The following RBFOX1 variants were observed in gnomAD, a reference collection of about 807,000 sequenced individuals.
RBFOX1 encodes the protein RNA binding protein fox-1 homolog 1.
A neutral mutation model predicts 57.7 loss-of-function variants in RBFOX1; 8 were observed. The ratio of observed to expected loss-of-function variants is 0.14; its 90% CI spans 0.08 to 0.25. RBFOX1 has a LOEUF of 0.25. Among genes scored for constraint, RBFOX1 ranks in the 10% least tolerant of loss-of-function variants. The pLI is 1.00. For missense variants in RBFOX1, 611 were observed against 548.5 expected (o/e 1.11, Z -1.14); for synonymous variants, 326 against 222.4 (o/e 1.47, Z -4.15).
At chr16:7,563,533 T>G (rs2090939752) in intron 5 of RBFOX1, among the ~76,000 whole-genome samples, 1 of 152,226 alleles carries the variant, frequency 6.6e-6, no homozygotes, top group Non-Finnish European at 1.5e-5. Context: ...AATGGCACGA[T>G]CTCTGCTCAC....
At chr16:7,705,297 G>C (rs919487196) in intron 14 of RBFOX1, among the ~76,000 whole-genome samples, 1 of 152,106 alleles carries the variant, frequency 6.6e-6, no homozygotes, top group African/African-American at 2.4e-5. Flanking sequence ...ACGAGGTCAG[G>C]AGATCAAAAC....
At chr16:6,694,902 G>C (rs1425928879) in intron 3 of RBFOX1, among the ~76,000 whole-genome samples, 2 of 151,832 alleles carry the variant, frequency 1.3e-5, no homozygotes, top group African/African-American at 2.4e-5. Context: ...CAGCATGCGT[G>C]GTAAACAGGA....
At chr16:6,400,568 A>G (rs2093027942) in intron 2 of RBFOX1, among the ~76,000 whole-genome samples, 1 of 152,194 alleles carries the variant, frequency 6.6e-6, no homozygotes, top group Non-Finnish European at 1.5e-5. Flanking sequence ...ATATAGTAAA[A>G]GGATGGGAAT....
At chr16:6,153,037 T>C (rs1039336427) in intron 1 of RBFOX1, among the ~76,000 whole-genome samples, 5 of 148,968 alleles carry the variant, frequency 3.4e-5, no homozygotes, top group South Asian at 2.1e-4. Flanking sequence ...TTTTCTGTTT[T>C]TTTTTTTTTT....
chr16:6,910,731 G>A (rs1439304255), intron 3 of RBFOX1, among the ~76,000 whole-genome samples: 1 of 152,204 alleles, frequency 6.6e-6, no homozygotes, highest in Admixed American at 6.5e-5. Context: ...ATTTCCTAAA[G>A]TAGCGGAGAG....
intron 4 of RBFOX1, among the ~76,000 whole-genome samples, chr16:5,885,629 C>G (rs1277946779): frequency 6.6e-6 from 1 of 152,134 alleles, no homozygotes; most frequent in Non-Finnish European, 1.5e-5. Context: ...GTTGTCTATT[C>G]TATGTTCTCT....
chr16:5,317,904 C>T (rs1014224631), intron 1 of RBFOX1, among the ~76,000 whole-genome samples: 3 of 152,208 alleles, frequency 2.0e-5, no homozygotes, highest in African/African-American at 7.2e-5. Context: ...TAAACAGAAA[C>T]TCTATATCCT....
At chr16:5,712,504 G>T (rs997694327) in intron 3 of RBFOX1, among the ~76,000 whole-genome samples, 1 of 152,214 alleles carries the variant, frequency 6.6e-6, no homozygotes, top group African/African-American at 2.4e-5. Context: ...AGAGCAGAGG[G>T]AAGAGTATGT....
intron 2 of RBFOX1, among the ~76,000 whole-genome samples, chr16:6,633,677 T>C (rs72762959): frequency 6.6e-6 from 1 of 151,926 alleles, no homozygotes; most frequent in South Asian, 2.1e-4. Flanking sequence ...AGCCAGTTAC[T>C]GATGGCTGTA....
intron 2 of RBFOX1, among the ~76,000 whole-genome samples, chr16:6,539,799 A>C (rs947320000): frequency 6.9e-6 from 1 of 144,842 alleles, no homozygotes; most frequent in African/African-American, 2.8e-5. Flanking sequence ...CTGCATCTCA[A>C]AACACAGACA....
At chr16:6,948,118 A>C (rs939661061) in intron 3 of RBFOX1, among the ~76,000 whole-genome samples, 17 of 152,042 alleles carry the variant, frequency 1.1e-4, no homozygotes, top group African/African-American at 3.9e-4. Flanking sequence ...GAGAAGGAGT[A>C]GAAAACAATA....
At chr16:6,384,913 A>G (rs1254189650) in intron 2 of RBFOX1, among the ~76,000 whole-genome samples, 1 of 152,204 alleles carries the variant, frequency 6.6e-6, no homozygotes, top group African/African-American at 2.4e-5. Flanking sequence ...GGTACCAGGC[A>G]GCCTCTCTTA....
At chr16:6,645,702 A>C (rs2154077985) in intron 2 of RBFOX1, among the ~76,000 whole-genome samples, 1 of 152,308 alleles carries the variant, frequency 6.6e-6, no homozygotes, top group South Asian at 2.1e-4. Context: ...TCAATGCTTC[A>C]ATCAGAACCA....
intron 4 of RBFOX1, among the ~76,000 whole-genome samples, chr16:7,288,911 G>T (rs549750174): frequency 6.6e-6 from 1 of 152,326 alleles, no homozygotes; most frequent in South Asian, 2.1e-4. Flanking sequence ...CATTGGCTAT[G>T]CAGGGGAACA....
At chr16:7,347,648 T>G (rs964667594) in intron 4 of RBFOX1, among the ~76,000 whole-genome samples, 2 of 152,208 alleles carry the variant, frequency 1.3e-5, no homozygotes, top group Non-Finnish European at 2.9e-5. Context: ...GTCACACTAC[T>G]GTGACTCAGC....
chr16:5,597,757 C>T (rs11643070), intron 2 of RBFOX1, among the ~76,000 whole-genome samples: 32,229 of 151,872 alleles, frequency 0.21, 3,501 homozygotes, highest in African/African-American at 0.23. Context: ...CTTTAACATG[C>T]TCCTGCGCTG....
chr16:7,687,222 G>A (rs1443404845), intron 14 of RBFOX1, among the ~76,000 whole-genome samples: 1 of 151,900 alleles, frequency 6.6e-6, no homozygotes. Flanking sequence ...AAGTGACAGG[G>A]CAGGTAAAAA....
At chr16:5,867,839 G>C (rs1268768462) in intron 4 of RBFOX1, among the ~76,000 whole-genome samples, 1 of 152,084 alleles carries the variant, frequency 6.6e-6, no homozygotes, top group Non-Finnish European at 1.5e-5. Context: ...GGCCTCCTGA[G>C]TGGCTGGGAT....
intron 3 of RBFOX1, among the ~76,000 whole-genome samples, chr16:6,881,907 G>A (rs1395612825): frequency 6.6e-6 from 1 of 152,178 alleles, no homozygotes; most frequent in Non-Finnish European, 1.5e-5. Flanking sequence ...CTGTATAGCA[G>A]GATTTAGATG....
Sources: gnomAD v4.1 joint callset for allele counts (sites outside exome capture counted in the v4.1 genomes callset) on GRCh38, gnomAD v4.1.1 for gene constraint, MANE v1.5 for transcripts, NCBI Gene and HGNC (gene_info 2026-07-23, HGNC 2026-07-21) for gene names.